Variants in GABRB2 observed in about 807,000 individuals in gnomAD.
The protein encoded by GABRB2 is gamma-aminobutyric acid receptor subunit beta-2.
GABRB2 carries 16 observed loss-of-function variants against 54.7 expected under a neutral mutation model. The ratio of observed to expected loss-of-function variants is 0.29; its 90% CI spans 0.20 to 0.44. The LOEUF (loss-of-function observed/expected upper bound fraction) is 0.44. GABRB2 is among the 20% of genes least tolerant of loss of function. GABRB2 has a pLI of 1.00. For missense variants in GABRB2, 355 were observed against 644.0 expected, an observed-to-expected ratio of 0.55 and a Z score of 4.86; for synonymous variants, 244 against 233.8, an observed-to-expected ratio of 1.04 and a Z score of -0.40.
chr5:161,452,331 C>T (rs1454491302), intron 4 of GABRB2, among the ~76,000 whole-genome samples: 1 of 152,122 alleles, frequency 6.6e-6, no homozygotes, highest in East Asian at 1.9e-4. Context: ...CTTAGGGAAG[C>T]TAGAATAAAC....
upstream of GABRB2, chr5:161,548,102 T>A (rs1761046449): frequency 6.5e-6 from 1 of 152,782 alleles, no homozygotes; most frequent in Non-Finnish European, 1.5e-5. Context: ...CGCCACCTCG[T>A]CCTCTTCTTC....
chr5:161,429,473 T>G (rs1186444081), intron 4 of GABRB2, among the ~76,000 whole-genome samples: 4 of 151,840 alleles, frequency 2.6e-5, no homozygotes, highest in South Asian at 2.1e-4. Context: ...ATATACCAGA[T>G]TTTGCTAGAT....
At chr5:161,393,756 A>C (rs1755909617) in intron 5 of GABRB2, among the ~76,000 whole-genome samples, 1 of 152,132 alleles carries the variant, frequency 6.6e-6, no homozygotes. Flanking sequence ...AAGATAAATA[A>C]AGCAAACATT....
In GABRB2 at chr5:161,544,794, G is replaced by T. The variant is rs528331630; in HGVS notation, c.237+433C>A. On this transcript the variant is annotated intron_variant, in intron 3 of 9. Coordinates refer to ENST00000393959, the MANE Select transcript of GABRB2 (RefSeq NM_001371727.1). ...CAGTGATCTTTGAAAGCAACGAGTG[G>T]GCATCAGTATTCCAGGGCCTTTATT... is the stretch of plus-strand genomic sequence containing the variant. Among the ~76,000 whole-genome samples the T allele has an allele frequency of 4.6e-5, 7 of 152,100 alleles. No individual in the cohort carries two copies. The South Asian group carries it at 1.5e-3, about 32-fold the overall frequency.
Position 161,544,312 on chromosome 5 carries a change from C to A in GABRB2, c.237+915G>T, listed in dbSNP as rs200930620. Among the ~76,000 whole-genome samples, 3 of 152,054 alleles carry A rather than the reference C, an allele frequency of 2.0e-5. No homozygotes were observed. The East Asian group carries it at 5.8e-4, about 29-fold the overall frequency. ...ACTGGAATTCTACATTAAAATGTGG[C>A]CTATCTAGAGGGACTTCTCCAAAGC... is the stretch of plus-strand genomic sequence containing the variant. On this transcript the variant is annotated intron_variant, in intron 3 of 9. Transcript: ENST00000393959.
chr5:161,373,881 C>T (rs1458027405), intron 5 of GABRB2, among the ~76,000 whole-genome samples: 2 of 151,472 alleles, frequency 1.3e-5, no homozygotes, highest in African/African-American at 4.8e-5. Flanking sequence ...TTTACCATCT[C>T]CTTCACGTTG....
Position 161,333,854 on chromosome 5 carries a change from ACTT to A in GABRB2, c.832+895_832+897del, listed in dbSNP as rs1753919370. 2.0e-5 allele frequency among the ~76,000 whole-genome samples: 3 copies of A among 152,104 alleles called. 1 individual carries two copies. The South Asian group carries it at 6.2e-4, about 32-fold the overall frequency. On this transcript the variant is annotated intron_variant, in intron 7 of 9. Coordinates refer to ENST00000393959, the MANE Select transcript of GABRB2 (RefSeq NM_001371727.1). Reference sequence around the variant, plus strand: ...GTCGGCCCTAATTATTCTAAACTGAACTTCTAGCAAACCCATGCCCCCTTGCTT... The same window carrying A: ...GTCGGCCCTAATTATTCTAAACTGAACTAGCAAACCCATGCCCCCTTGCTT...
intron 8 of GABRB2, chr5:161,330,277 C>T (rs1374203126): frequency 6.6e-6 from 1 of 152,184 alleles, no homozygotes; most frequent in Non-Finnish European, 1.5e-5. Context: ...ATGTGCAAGG[C>T]ATTGTCATTT....
intron 3 of GABRB2, among the ~76,000 whole-genome samples, chr5:161,468,021 G>C (rs1189040904): frequency 6.6e-6 from 1 of 152,026 alleles, no homozygotes; most frequent in African/African-American, 2.4e-5. Context: ...TCAGCAGCAA[G>C]TTTTGACAGC....
chr5:161,530,298 C>T (rs1226651306), intron 3 of GABRB2, among the ~76,000 whole-genome samples: 7 of 152,152 alleles, frequency 4.6e-5, no homozygotes, highest in Admixed American at 3.9e-4. Context: ...ACTAAAGCAG[C>T]CTAATTAAAA....
Position 161,326,446 on chromosome 5 carries a change from T to C in GABRB2, c.1113A>G (p.Gln371=), listed in dbSNP as rs771502688. 8.7e-6 allele frequency: 14 copies of C among 1,613,648 alleles called. No homozygotes were observed. Among genetic ancestry groups the C allele is most frequent in the Non-Finnish European group, 1.2e-5 (14 of 1,179,660 alleles). Residue 371 remains glutamine (Q), a synonymous_variant, in exon 9 of 10, where the codon CAA becomes CAG. Coordinates refer to ENST00000393959, the MANE Select transcript of GABRB2 (RefSeq NM_001371727.1). ...CAGTAGGGTCCCACAAGGATCGATA[T>C]TGGGTCCCATTTTGTTTAATATCTT... ...FYKDIKQNGT[Q]YRSLWDPTGN...
At chr5:161,436,744 G>A (rs530025803) in intron 4 of GABRB2, among the ~76,000 whole-genome samples, 39 of 152,226 alleles carry the variant, frequency 2.6e-4, no homozygotes, top group African/African-American at 8.7e-4. Context: ...TGAAGAGATG[G>A]AAAAAAGAGT....
At chr5:161,332,165 C>CA (rs5872708) in intron 7 of GABRB2, among the ~76,000 whole-genome samples, 6,473 of 69,082 alleles carry the variant, frequency 0.094, 594 homozygotes, top group African/African-American at 0.19. Flanking sequence ...GACTCCGTCT[C>CA]AAAAAAAAAA....
intron 9 of GABRB2, among the ~76,000 whole-genome samples, chr5:161,306,662 C>T (rs1268006226): frequency 6.6e-6 from 1 of 151,934 alleles, no homozygotes; most frequent in East Asian, 1.9e-4. Context: ...AGGGTAGTGC[C>T]AAAACAGAGA....
intron 3 of GABRB2, among the ~76,000 whole-genome samples, chr5:161,536,719 T>C (rs753329245): frequency 1.4e-4 from 21 of 152,122 alleles, no homozygotes; most frequent in Non-Finnish European, 2.6e-4. Flanking sequence ...TGCCTCAGCC[T>C]CCTGAGTAGC....
intron 3 of GABRB2, among the ~76,000 whole-genome samples, chr5:161,508,638 CT>C (rs928750568): frequency 2.0e-5 from 3 of 151,976 alleles, no homozygotes; most frequent in African/African-American, 7.2e-5. Context: ...GGAAAATAAA[CT>C]GTCCAGTTTT....
intron 9 of GABRB2, among the ~76,000 whole-genome samples, chr5:161,302,552 C>T (rs1757569724): frequency 6.6e-6 from 1 of 152,120 alleles, no homozygotes; most frequent in Non-Finnish European, 1.5e-5. Context: ...TATCTGAAAT[C>T]CAAGTTCACC....
chr5:161,348,061 A>T (rs1040753379), intron 5 of GABRB2, among the ~76,000 whole-genome samples: 1 of 152,050 alleles, frequency 6.6e-6, no homozygotes, highest in African/African-American at 2.4e-5. Flanking sequence ...AGCAAATCAT[A>T]TACTCTTTAT....
At chr5:161,516,718 C>G (rs1427177639) in intron 3 of GABRB2, among the ~76,000 whole-genome samples, 1 of 152,148 alleles carries the variant, frequency 6.6e-6, no homozygotes, top group African/African-American at 2.4e-5. Context: ...TGGCACATTT[C>G]ACCAAATGCT....
Sources: gnomAD v4.1 joint callset for allele counts (sites outside exome capture counted in the v4.1 genomes callset) on GRCh38, gnomAD v4.1.1 for gene constraint, MANE v1.5 for transcripts, NCBI Gene and HGNC (gene_info 2026-07-23, HGNC 2026-07-21) for gene names.